The following GRID1 variants were observed in gnomAD, a reference collection of about 807,000 sequenced individuals.
GRID1 encodes glutamate ionotropic receptor delta type subunit 1.
A neutral mutation model predicts 98.0 loss-of-function variants in GRID1; 28 were observed. The ratio of observed to expected loss-of-function variants is 0.29; its 90% CI spans 0.21 to 0.39. The LOEUF (loss-of-function observed/expected upper bound fraction) is 0.39. GRID1 is among the 10% of genes least tolerant of loss of function. The pLI is 1.00. For synonymous variants in GRID1, 553 were observed against 538.5 expected, an observed-to-expected ratio of 1.03 and a Z score of -0.37; for missense variants, 1,111 against 1,340.5, an observed-to-expected ratio of 0.83 and a Z score of 2.67.
intron 8 of GRID1, among the ~76,000 whole-genome samples, chr10:85,786,433 C>T (rs1842429874): frequency 6.6e-6 from 1 of 152,196 alleles, no homozygotes; most frequent in South Asian, 2.1e-4. Context: ...GATGTGACAA[C>T]CCCTGCTCTT....
At chr10:85,940,707 A>G (rs1323883794) in intron 4 of GRID1, among the ~76,000 whole-genome samples, 2 of 152,234 alleles carry the variant, frequency 1.3e-5, no homozygotes, top group Non-Finnish European at 2.9e-5. Flanking sequence ...ACTGCCTGCA[A>G]TGTTTAAATC....
intron 4 of GRID1, among the ~76,000 whole-genome samples, chr10:85,935,399 G>A (rs1253338229): frequency 6.6e-6 from 1 of 152,172 alleles, no homozygotes; most frequent in Non-Finnish European, 1.5e-5. Flanking sequence ...AGTGTGGCTG[G>A]ACAGGGAGCT....
At chr10:85,732,942 T>A (rs1269633240) in intron 8 of GRID1, among the ~76,000 whole-genome samples, 2 of 152,148 alleles carry the variant, frequency 1.3e-5, no homozygotes, top group Non-Finnish European at 2.9e-5. Context: ...TTGTATCTAG[T>A]TTTTCTCTGC....
At chr10:85,796,979 C>T (rs986860003) in intron 8 of GRID1, among the ~76,000 whole-genome samples, 1 of 151,972 alleles carries the variant, frequency 6.6e-6, no homozygotes, top group Non-Finnish European at 1.5e-5. Context: ...AAGAAACAAA[C>T]CTAACAAATG....
intron 4 of GRID1, among the ~76,000 whole-genome samples, chr10:86,038,309 A>G (rs1843298292): frequency 6.6e-6 from 1 of 152,192 alleles, no homozygotes; most frequent in Non-Finnish European, 1.5e-5. Context: ...GATGCATATG[A>G]TTGGCTCCCA....
intron 15 of GRID1, among the ~76,000 whole-genome samples, chr10:85,608,468 G>A (rs936820114): frequency 1.3e-5 from 2 of 152,134 alleles, no homozygotes; most frequent in South Asian, 2.1e-4. Context: ...TCTTCTTTAC[G>A]GGAGTCTTGA....
intron 8 of GRID1, among the ~76,000 whole-genome samples, chr10:85,847,099 C>CA (rs1253349085): frequency 2.0e-5 from 3 of 151,954 alleles, no homozygotes; most frequent in Non-Finnish European, 4.4e-5. Context: ...CCTGCTATAA[C>CA]AAAAAAACAA....
chr10:86,178,887 G>T (rs566555418), intron 3 of GRID1, among the ~76,000 whole-genome samples: 2 of 152,088 alleles, frequency 1.3e-5, no homozygotes, highest in African/African-American at 4.8e-5. Flanking sequence ...TTTCTCTGTC[G>T]CTTTGAGCCA....
chr10:85,956,193 C>T (rs1029552594), intron 4 of GRID1, among the ~76,000 whole-genome samples: 2 of 152,194 alleles, frequency 1.3e-5, no homozygotes, highest in Non-Finnish European at 2.9e-5. Context: ...CAAATCATTT[C>T]CTGAGTCAGA....
At chr10:85,950,715 G>A (rs960134795) in intron 4 of GRID1, among the ~76,000 whole-genome samples, 1 of 152,152 alleles carries the variant, frequency 6.6e-6, no homozygotes, top group African/African-American at 2.4e-5. Flanking sequence ...TCCTGCCAGA[G>A]TGATCTTCCT....
chr10:85,962,873 G>A (rs1220989390), intron 4 of GRID1, among the ~76,000 whole-genome samples: 2 of 152,124 alleles, frequency 1.3e-5, no homozygotes, highest in African/African-American at 4.8e-5. Context: ...ACAAGCTAGG[G>A]AAGCAATGCT....
intron 12 of GRID1, chr10:85,708,866 A>G (rs533889479): frequency 6.0e-6 from 1 of 165,832 alleles, no homozygotes; most frequent in South Asian, 1.6e-4. Flanking sequence ...CCTCCAGATT[A>G]CAGGGAGGAA....
intron 2 of GRID1, among the ~76,000 whole-genome samples, chr10:86,301,798 AC>A (rs1318008401): frequency 6.6e-6 from 1 of 152,062 alleles, no homozygotes; most frequent in Non-Finnish European, 1.5e-5. Flanking sequence ...CAGTTTCTTT[AC>A]CCTTCTTAAG....
chr10:86,352,702 G>A (rs1848479566), intron 2 of GRID1, among the ~76,000 whole-genome samples: 1 of 152,104 alleles, frequency 6.6e-6, no homozygotes, highest in Non-Finnish European at 1.5e-5. Flanking sequence ...ATCATATTAG[G>A]GAAAACAAAC....
chr10:86,036,212 A>G (rs2131896056), intron 4 of GRID1, among the ~76,000 whole-genome samples: 1 of 152,284 alleles, frequency 6.6e-6, no homozygotes, highest in Non-Finnish European at 1.5e-5. Flanking sequence ...AAGGGACATT[A>G]CCACTCTAAG....
At chr10:85,672,716 A>T (rs1841100917) in intron 12 of GRID1, among the ~76,000 whole-genome samples, 1 of 151,772 alleles carries the variant, frequency 6.6e-6, no homozygotes, top group South Asian at 2.1e-4. Context: ...CAGGAAAAAA[A>T]AAAAGATTCC....
chr10:85,701,435 G>A lies in GRID1; in HGVS notation c.1997+21568C>T, dbSNP rs116669851. 4.6e-3 allele frequency among the ~76,000 whole-genome samples: 694 copies of A among 152,228 alleles called. 5 individuals carry two copies. Among genetic ancestry groups the A allele is most frequent in the African/African-American group, 0.015 (616 of 41,526 alleles). Reference sequence around the variant, plus strand: ...AGTGGTTTCTCTTACTGTTGTTGAGGCTGTATCAATCCGAATGCTAGAAAA... The same window carrying A: ...AGTGGTTTCTCTTACTGTTGTTGAGACTGTATCAATCCGAATGCTAGAAAA... On this transcript the variant is annotated intron_variant, in intron 12 of 15. Transcript: ENST00000327946.
intron 4 of GRID1, among the ~76,000 whole-genome samples, chr10:85,941,753 G>A (rs1405962470): frequency 6.6e-6 from 1 of 152,226 alleles, no homozygotes; most frequent in Non-Finnish European, 1.5e-5. Flanking sequence ...GTGTGCAAAA[G>A]AGGGCATCTT....
At chr10:85,819,735 G>A (rs1842745426) in intron 8 of GRID1, among the ~76,000 whole-genome samples, 1 of 151,998 alleles carries the variant, frequency 6.6e-6, no homozygotes, top group Non-Finnish European at 1.5e-5. Context: ...CCAACACGGT[G>A]AAACCCTGTC....
Sources: allele counts gnomAD v4.1 joint callset (sites outside exome capture counted in the v4.1 genomes callset), GRCh38; gene constraint gnomAD v4.1.1; transcripts MANE v1.5; gene names NCBI Gene and HGNC (gene_info 2026-07-23, HGNC 2026-07-21).